Variants in LAMP1 observed in about 807,000 individuals in gnomAD.
LAMP1 encodes the protein lysosome associated membrane protein 1.
Under a neutral mutation model 37.5 loss-of-function variants are expected in LAMP1, and 7 were observed. That is an observed-to-expected ratio of 0.19 (90% CI 0.11 to 0.35). The LOEUF (loss-of-function observed/expected upper bound fraction) is 0.35, where lower values mean the gene tolerates loss of function less well. LAMP1 is among the 10% of genes least tolerant of loss of function. LAMP1 has a pLI of 1.00. For missense variants in LAMP1, 537 were observed against 552.8 expected (o/e 0.97, Z 0.29); for synonymous variants, 236 against 229.1 (o/e 1.03, Z -0.27).
At chr13:113,302,183 A>T (rs1353927352) in intron 1 of LAMP1, among the ~76,000 whole-genome samples, 1 of 150,388 alleles carries the variant, frequency 6.6e-6, no homozygotes, top group East Asian at 2.0e-4. Context: ...TTTCTTAATA[A>T]ATTGTTTTTT....
intron 4 of LAMP1, among the ~76,000 whole-genome samples, chr13:113,316,144 G>A (rs755766697): frequency 6.6e-6 from 1 of 152,182 alleles, no homozygotes; most frequent in African/African-American, 2.4e-5. Flanking sequence ...TGTCACTCCA[G>A]AGGGTCTGAG....
chr13:113,322,129 G>A (rs545243493), intron 8 of LAMP1, 153 bp from the exon 9 acceptor site: 3 of 816,158 alleles, frequency 3.7e-6, no homozygotes, highest in Admixed American at 2.5e-5. Flanking sequence ...TCTCTGCAGC[G>A]GCTTCCCCAA....
intron 5 of LAMP1, among the ~76,000 whole-genome samples, chr13:113,319,860 T>C (rs2042687849): frequency 6.6e-6 from 1 of 152,256 alleles, no homozygotes; most frequent in Non-Finnish European, 1.5e-5. Context: ...GTCCTGCTGG[T>C]TCCATCATCC....
At chr13:113,319,355 C>G in intron 4 of LAMP1, 114 bp from the exon 5 acceptor site, 1 of 936,732 alleles carries the variant, frequency 1.1e-6, no homozygotes, top group Non-Finnish European at 1.6e-6. Context: ...AGAAAATAGT[C>G]ACCAAGGACG....
intron 4 of LAMP1, among the ~76,000 whole-genome samples, chr13:113,314,510 TA>T (rs2042650226): frequency 1.7e-5 from 1 of 58,590 alleles, no homozygotes; most frequent in Non-Finnish European, 3.0e-5. Flanking sequence ...CGTGGCCTCC[TA>T]GAGGGAGTCA....
At chr13:113,312,678 T>C (rs955308912) in intron 4 of LAMP1, among the ~76,000 whole-genome samples, 1 of 152,238 alleles carries the variant, frequency 6.6e-6, no homozygotes, top group African/African-American at 2.4e-5. Flanking sequence ...ACAGCCGCTT[T>C]CCTGGTGCAG....
chr13:113,318,860 A>C (rs1408498358), intron 4 of LAMP1, among the ~76,000 whole-genome samples: 3 of 152,046 alleles, frequency 2.0e-5, no homozygotes, highest in African/African-American at 7.2e-5. Context: ...CTCTGCTCAC[A>C]CGTGGGGTCC....
rs1384935647 is a variant in LAMP1 at position 113,322,584 on chromosome 13, A to G, written c.*163A>G. 6 of 557,056 alleles carry G rather than the reference A, an allele frequency of 1.1e-5. No individual in the cohort carries two copies. In the East Asian group the frequency reaches 1.3e-4, roughly 12 times the overall value. 34.5% of individuals were successfully genotyped at this position (557,056 alleles called of 1,614,324 possible). A position where few individuals can be genotyped will look rare whatever the true frequency, so the allele number is the denominator to read the frequency against. ...ATTTACTATGCACAACAGAGTAACT[A>G]TCGAAATGACGGTGTTAATTTTGCT... On this transcript the variant is annotated 3_prime_UTR_variant, in exon 9 of 9. Transcript: ENST00000332556.
rs551815240 is a variant in LAMP1, at chr13:113,322,488, G to A, written c.*67G>A. On this transcript the variant is annotated 3_prime_UTR_variant, in exon 9 of 9. Transcript: ENST00000332556. ...CTTTCTCTGGGCTTAGGGTCCTGTCGAAGGGGAGGCACACTTTCTGGCAAA... is the reference window on the plus strand; with the variant it reads ...CTTTCTCTGGGCTTAGGGTCCTGTCAAAGGGGAGGCACACTTTCTGGCAAA... The A allele has an allele frequency of 3.4e-5, 50 of 1,463,680 alleles. No homozygotes were observed. In the African/African-American group the frequency reaches 6.2e-4, roughly 18 times the overall value. The allele number at this position is 1,463,680 out of a possible 1,614,324, so 90.7% of individuals were successfully genotyped here. A position where few individuals can be genotyped will look rare whatever the true frequency, so the allele number is the denominator to read the frequency against.
intron 2 of LAMP1, among the ~76,000 whole-genome samples, chr13:113,307,184 A>G (rs1229236226): frequency 1.9e-5 from 2 of 106,936 alleles, no homozygotes. Context: ...TTGAGATGGA[A>G]TCTTGGTTTG....
chr13:113,310,470 G>T (rs1211485432), intron 3 of LAMP1, among the ~76,000 whole-genome samples: 1 of 152,182 alleles, frequency 6.6e-6, no homozygotes, highest in Non-Finnish European at 1.5e-5. Flanking sequence ...AGGTTGCAGT[G>T]AGCCGAGATC....
intron 4 of LAMP1, among the ~76,000 whole-genome samples, chr13:113,312,239 A>C (rs1437957615): frequency 1.3e-5 from 2 of 152,258 alleles, no homozygotes; most frequent in East Asian, 3.8e-4. Context: ...CCATGAGCTA[A>C]GAACGGCTTT....
At position 113,304,043 on chromosome 13, in the gene LAMP1, C is replaced by T. The variant is rs145780490; in HGVS notation, c.62-2442C>T. Among the ~76,000 whole-genome samples the T allele has an allele frequency of 2.5e-3, 384 of 151,944 alleles. 1 individual carries two copies. The highest frequency in any genetic ancestry group is 9.0e-3 in the African/African-American group (374 of 41,396). On this transcript the variant is annotated intron_variant, in intron 1 of 8. Coordinates refer to ENST00000332556, the MANE Select transcript of LAMP1 (RefSeq NM_005561.4). ...GAGGGCTACTGCACTCCAGCCTGGG[C>T]AAGAGTGAGACTCAGTCTCTAAAAA...
chr13:113,299,533 G>A (rs1255921339), intron 1 of LAMP1, among the ~76,000 whole-genome samples: 2 of 150,966 alleles, frequency 1.3e-5, no homozygotes, highest in African/African-American at 4.9e-5. Context: ...AAAGTGCTGG[G>A]AGTACGGGTT....
intron 4 of LAMP1, among the ~76,000 whole-genome samples, chr13:113,316,611 C>G (rs1012465271): frequency 6.6e-6 from 1 of 152,002 alleles, no homozygotes; most frequent in Non-Finnish European, 1.5e-5. Context: ...TTAGTAGAGA[C>G]GGGGTTTCAC....
intron 4 of LAMP1, among the ~76,000 whole-genome samples, chr13:113,318,262 G>GAGT (rs2042677517): frequency 6.6e-6 from 1 of 152,236 alleles, no homozygotes; most frequent in Admixed American, 6.5e-5. Flanking sequence ...TTCCTGCCCT[G>GAGT]AGTAGATGGG....
At chr13:113,304,290 C>T (rs939629988) in intron 1 of LAMP1, among the ~76,000 whole-genome samples, 2 of 152,184 alleles carry the variant, frequency 1.3e-5, no homozygotes, top group African/African-American at 4.8e-5. Flanking sequence ...CCTGTGACTC[C>T]TCACCTGAGG....
chr13:113,322,421 G>A lies in LAMP1; in HGVS notation c.1254G>A (p.Ter418=), dbSNP rs750061748. The change falls in exon 9 of 9, where the codon TAG becomes TAA. Residue 418 remains the stop codon, a stop_retained_variant. Coordinates refer to ENST00000332556, the MANE Select transcript of LAMP1 (RefSeq NM_005561.4). ...GTCACGCAGGCTACCAGACTATCTA[G>A]CCTGGTGCACGCAGGCACAGCAGCT... ...KRSHAGYQTI[*] The A allele has an allele frequency of 1.2e-6, 2 of 1,607,746 alleles. No homozygotes were observed. Among genetic ancestry groups the A allele is most frequent in the East Asian group, 2.2e-5 (1 of 44,660 alleles).
Position 113,321,374 on chromosome 13 carries a change from C to T in LAMP1, c.877-30C>T. ...AAGATCATCTTTCTATGAATCTGCTCCGTGATTAAAGATCATTTTTCTTTT... is the reference window on the plus strand; with the variant it reads ...AAGATCATCTTTCTATGAATCTGCTTCGTGATTAAAGATCATTTTTCTTTT... On this transcript the variant is annotated intron_variant, in intron 6 of 8. Transcript: ENST00000332556. This position sits in a 1 kb window ranked among gnomAD's most constrained non-coding sequence, Gnocchi z 5.6. The T allele has an allele frequency of 6.4e-7, 1 of 1,561,502 alleles. No homozygotes were observed. The highest frequency in any genetic ancestry group is 1.1e-5 in the South Asian group (1 of 89,846).
Sources: allele counts gnomAD v4.1 joint callset (sites outside exome capture counted in the v4.1 genomes callset), GRCh38; gene constraint gnomAD v4.1.1; non-coding constraint Gnocchi (gnomAD v3.1); transcripts MANE v1.5; gene names NCBI Gene and HGNC (gene_info 2026-07-23, HGNC 2026-07-21).